The following ADAMTS19 variants were observed in gnomAD, a reference collection of about 807,000 sequenced individuals.
The protein encoded by ADAMTS19 is ADAM metallopeptidase with thrombospondin type 1 motif 19.
Under a neutral mutation model 153.3 loss-of-function variants are expected in ADAMTS19, and 93 were observed. The observed-to-expected ratio is 0.61, with a 90% CI of 0.51 to 0.72. ADAMTS19 has a LOEUF of 0.72. ADAMTS19 is among the 30% of genes least tolerant of loss of function. The pLI, the probability that ADAMTS19 is intolerant of heterozygous loss-of-function variation, is 0.00. For synonymous variants in ADAMTS19, 600 were observed against 556.6 expected (o/e 1.08, Z -1.10); for missense variants, 1,482 against 1,552.1 (o/e 0.95, Z 0.76).
At chr5:129,728,672 G>A (rs962984189) in intron 21 of ADAMTS19, among the ~76,000 whole-genome samples, 1 of 152,094 alleles carries the variant, frequency 6.6e-6, no homozygotes, top group African/African-American at 2.4e-5. Flanking sequence ...CTGGCTAAAA[G>A]TGGATGAAAT....
chr5:129,696,075 G>T (rs1483842784), intron 19 of ADAMTS19, among the ~76,000 whole-genome samples: 1 of 152,142 alleles, frequency 6.6e-6, no homozygotes, highest in Admixed American at 6.5e-5. Flanking sequence ...TTGGGAATTA[G>T]TGTCATGCAG....
At chr5:129,716,807 T>C (rs1476173495) in intron 21 of ADAMTS19, among the ~76,000 whole-genome samples, 3 of 152,176 alleles carry the variant, frequency 2.0e-5, no homozygotes, top group African/African-American at 7.2e-5. Context: ...GGTTGCATCA[T>C]TCTTTCCTAT....
chr5:129,648,821 G>T lies in ADAMTS19; in HGVS notation c.2027G>T (p.Cys676Phe), dbSNP rs1753185224. Residue 676 changes from cysteine to phenylalanine, a missense_variant, in exon 13 of 23, where the codon TGT (cysteine) becomes TTT (phenylalanine). Physicochemically the swap from Cys to Phe is radical, Grantham distance 205. Coordinates refer to ENST00000274487, the MANE Select transcript of ADAMTS19 (RefSeq NM_133638.6). ...AGGCTAGATTCTGAAGCAAGGGATTGTAATGGTCCCAGAAAACAATACAGA... is the reference window on the plus strand; with the variant it reads ...AGGCTAGATTCTGAAGCAAGGGATTTTAATGGTCCCAGAAAACAATACAGA... The part of the protein sequence containing the change: ...CPGLDSEARD[C>F]NGPRKQYRIC... The T allele has an allele frequency of 1.9e-6, 3 of 1,613,806 alleles. No homozygotes were observed. In the East Asian group the frequency reaches 6.7e-5, roughly 36 times the overall value.
At chr5:129,510,856 G>GAGAT (rs139631743) in intron 3 of ADAMTS19, among the ~76,000 whole-genome samples, 1 of 141,120 alleles carries the variant, frequency 7.1e-6, no homozygotes, top group Non-Finnish European at 1.6e-5. Context: ...AAGTTTCTGA[G>GAGAT]ATATATATAT....
At chr5:129,497,394 T>C (rs192185017) in intron 2 of ADAMTS19, among the ~76,000 whole-genome samples, 3 of 152,200 alleles carry the variant, frequency 2.0e-5, no homozygotes, top group South Asian at 2.1e-4. Flanking sequence ...CATTCAGTCT[T>C]AGGGACTGAA....
At chr5:129,465,630 C>G (rs916105478) in intron 2 of ADAMTS19, among the ~76,000 whole-genome samples, 1 of 152,000 alleles carries the variant, frequency 6.6e-6, no homozygotes, top group Non-Finnish European at 1.5e-5. Flanking sequence ...TTTTGTGACT[C>G]CCATTTAGAC....
At chr5:129,473,334 TA>T (rs941050861) in intron 2 of ADAMTS19, among the ~76,000 whole-genome samples, 1 of 152,150 alleles carries the variant, frequency 6.6e-6, no homozygotes, top group Non-Finnish European at 1.5e-5. Context: ...ATTTCCATTA[TA>T]AGATTATTAT....
Position 129,485,505 on chromosome 5 carries a change from A to G in ADAMTS19, c.748-23572A>G, listed in dbSNP as rs577400444. On this transcript the variant is annotated intron_variant, in intron 2 of 22. Coordinates refer to ENST00000274487, the MANE Select transcript of ADAMTS19 (RefSeq NM_133638.6). Reference sequence around the variant, plus strand: ...AATCAATGAAATTTTTTTAACCTGGAAAAACACTAGAGAAAAATTAATATT... The same window carrying G: ...AATCAATGAAATTTTTTTAACCTGGGAAAACACTAGAGAAAAATTAATATT... Among the ~76,000 whole-genome samples the G allele has an allele frequency of 4.6e-5, 7 of 152,250 alleles. No homozygotes were observed. In the South Asian group the frequency reaches 1.5e-3, roughly 32 times the overall value.
At position 129,695,050 on chromosome 5, in the gene ADAMTS19, G is replaced by A. The variant is rs372450667; in HGVS notation, c.2954+195G>A. 1.6e-3 allele frequency among the ~76,000 whole-genome samples: 245 copies of A among 152,214 alleles called. 6 individuals carry two copies. The South Asian group carries it at 0.023, about 14-fold the overall frequency. ...GGCCAAGATTTTCCACTTAAGGAAG[G>A]GGTATTGGGAGGGATGGTTGCTGAG... On this transcript the variant is annotated intron_variant, in intron 19 of 22. Coordinates refer to ENST00000274487, the MANE Select transcript of ADAMTS19 (RefSeq NM_133638.6).
intron 6 of ADAMTS19, among the ~76,000 whole-genome samples, chr5:129,530,198 T>G (rs970903973): frequency 6.6e-6 from 1 of 151,970 alleles, no homozygotes; most frequent in African/African-American, 2.4e-5. Flanking sequence ...CAAAGAAACA[T>G]GAAAATGTGA....
chr5:129,713,670 A>G (rs1168207251), intron 21 of ADAMTS19, among the ~76,000 whole-genome samples: 1 of 152,026 alleles, frequency 6.6e-6, no homozygotes, highest in African/African-American at 2.4e-5. Flanking sequence ...CTGAGGCATG[A>G]TAATTGCTTG....
rs78403766 is a variant in ADAMTS19 at position 129,529,583 on chromosome 5, G to A, written c.1328+906G>A. Among the ~76,000 whole-genome samples the A allele has an allele frequency of 2.9e-3, 437 of 152,280 alleles. 4 individuals carry two copies. The highest frequency in any genetic ancestry group is 9.8e-3 in the African/African-American group (408 of 41,552). On this transcript the variant is annotated intron_variant, in intron 6 of 22. Transcript: ENST00000274487. Reference sequence around the variant, plus strand: ...ATTGGAGAATGAACAGCATAAGACTGCAATTCCTGAAAGAAGGGAAATTTA... The same window carrying A: ...ATTGGAGAATGAACAGCATAAGACTACAATTCCTGAAAGAAGGGAAATTTA...
At chr5:129,733,143 T>C (rs1375067627) in intron 21 of ADAMTS19, among the ~76,000 whole-genome samples, 2 of 152,062 alleles carry the variant, frequency 1.3e-5, no homozygotes, top group Non-Finnish European at 2.9e-5. Context: ...TCTCTCACCA[T>C]ATACAAAAAT....
intron 2 of ADAMTS19, among the ~76,000 whole-genome samples, chr5:129,490,833 C>T (rs773935976): frequency 5.3e-5 from 8 of 151,824 alleles, no homozygotes; most frequent in African/African-American, 1.5e-4. Context: ...AGTCAGAGGT[C>T]GCTTAGGTTG....
intron 21 of ADAMTS19, among the ~76,000 whole-genome samples, chr5:129,724,834 C>T (rs1371637286): frequency 6.6e-6 from 1 of 152,062 alleles, no homozygotes; most frequent in Non-Finnish European, 1.5e-5. Context: ...AAGCTGGCCA[C>T]CCCACCCTAA....
In ADAMTS19 at chr5:129,722,125, G is replaced by T. The variant is rs1025418135; in HGVS notation, c.3313-12807G>T. ...CCTTTGAGTATATACCCAGTAATGG[G>T]ATTGCTGGATCAAATGGTATTTCTG... On this transcript the variant is annotated intron_variant, in intron 21 of 22. Transcript: ENST00000274487. Among the ~76,000 whole-genome samples the T allele has an allele frequency of 2.0e-5, 3 of 152,272 alleles. No homozygotes were observed. The East Asian group carries it at 5.8e-4, about 29-fold the overall frequency.
intron 21 of ADAMTS19, among the ~76,000 whole-genome samples, chr5:129,726,902 T>A (rs976010925): frequency 6.6e-6 from 1 of 152,104 alleles, no homozygotes; most frequent in Non-Finnish European, 1.5e-5. Flanking sequence ...CTCCTTTATT[T>A]TTTTGCTCTT....
At chr5:129,603,958 G>C (rs1190332553) in intron 8 of ADAMTS19, among the ~76,000 whole-genome samples, 1 of 152,122 alleles carries the variant, frequency 6.6e-6, no homozygotes, top group African/African-American at 2.4e-5. Flanking sequence ...GGGATTATCT[G>C]TTCCCACTTT....
chr5:129,566,588 A>G (rs1753717919), intron 7 of ADAMTS19, among the ~76,000 whole-genome samples: 1 of 152,198 alleles, frequency 6.6e-6, no homozygotes, highest in African/African-American at 2.4e-5. Flanking sequence ...GATTCAACAC[A>G]GCCCACACTT....
Sources: gnomAD v4.1 joint callset for allele counts (sites outside exome capture counted in the v4.1 genomes callset) on GRCh38, gnomAD v4.1.1 for gene constraint, MANE v1.5 for transcripts, NCBI Gene and HGNC (gene_info 2026-07-23, HGNC 2026-07-21) for gene names.